The following TBXAS1 variants were observed in gnomAD, a reference collection of about 807,000 sequenced individuals.
TBXAS1 encodes the protein thromboxane A synthase 1.
In TBXAS1, 48 loss-of-function variants were observed where a neutral mutation model predicts 60.7. The ratio of observed to expected loss-of-function variants is 0.79; its 90% confidence interval spans 0.63 to 1.01. TBXAS1 has a LOEUF of 1.01. Ranked by LOEUF, TBXAS1 falls within the 50% of genes least tolerant of loss-of-function variation. The pLI, the probability that TBXAS1 is intolerant of heterozygous loss-of-function variation, is 0.00. For missense variants in TBXAS1, 685 were observed against 686.3 expected (o/e 1.00, Z 0.02); for synonymous variants, 287 against 269.7 (o/e 1.06, Z -0.63).
chr7:139,859,838 T>C (rs917666082), intron 1 of TBXAS1, among the ~76,000 whole-genome samples: 1 of 152,168 alleles, frequency 6.6e-6, no homozygotes, highest in Non-Finnish European at 1.5e-5. Context: ...TAATACTTTC[T>C]TTATAAAACG....
chr7:139,906,966 T>C (rs1292213365), intron 3 of TBXAS1, among the ~76,000 whole-genome samples: 2 of 152,238 alleles, frequency 1.3e-5, no homozygotes, highest in South Asian at 2.1e-4. Context: ...TCTCTGTAGA[T>C]ATCATGTCAT....
intron 4 of TBXAS1, among the ~76,000 whole-genome samples, chr7:139,804,383 C>T (rs952190706): frequency 1.3e-5 from 2 of 152,096 alleles, no homozygotes; most frequent in Non-Finnish European, 2.9e-5. Context: ...AACTAACTTG[C>T]CTTTGATTTT....
At chr7:139,876,627 C>G (rs1477855082) in intron 3 of TBXAS1, among the ~76,000 whole-genome samples, 1 of 152,112 alleles carries the variant, frequency 6.6e-6, no homozygotes, top group Non-Finnish European at 1.5e-5. Flanking sequence ...TTGGCTTGTC[C>G]TCTTTATGGA....
At chr7:139,885,492 TG>T (rs1456439047) in intron 3 of TBXAS1, among the ~76,000 whole-genome samples, 1 of 152,236 alleles carries the variant, frequency 6.6e-6, no homozygotes, top group Non-Finnish European at 1.5e-5. Context: ...AGAAAGCACA[TG>T]GCTGTATGCA....
In TBXAS1 at chr7:139,899,117, G is replaced by C. The variant is rs899669201; in HGVS notation, c.237-12108G>C. Among the ~76,000 whole-genome samples, 11 of 152,032 alleles carry C rather than the reference G, an allele frequency of 7.2e-5. 1 individual carries two copies. In the East Asian group the frequency reaches 2.1e-3, roughly 29 times the overall value. On this transcript the variant is annotated intron_variant, in intron 3 of 12. Coordinates refer to ENST00000448866, the MANE Select transcript of TBXAS1 (RefSeq NM_001061.7). ...CAGTGCCCCATAATTTCCTGCTCCAGATCTATGCCCTGTAAGCCAGGGGTC... is the reference window on the plus strand; with the variant it reads ...CAGTGCCCCATAATTTCCTGCTCCACATCTATGCCCTGTAAGCCAGGGGTC...
At chr7:139,898,413 CTTTTTTTTTTTTTTT>C (rs71170921) in intron 3 of TBXAS1, among the ~76,000 whole-genome samples, 7 of 82,254 alleles carry the variant, frequency 8.5e-5, no homozygotes, top group African/African-American at 2.4e-4. Context: ...ACGTGCATGG[CTTTTTTTTTTTTTTT>C]TTTTTTTTTT....
intron 8 of TBXAS1, among the ~76,000 whole-genome samples, 190 bp from the exon 9 acceptor site, chr7:139,961,729 T>A (rs1268847030): frequency 6.6e-6 from 1 of 152,148 alleles, no homozygotes; most frequent in Non-Finnish European, 1.5e-5. Context: ...GCCTGACCAG[T>A]GCTATACTAA....
rs570610808 is a variant in TBXAS1 at position 139,986,052 on chromosome 7, C to T, written c.1135-21039C>T. Among the ~76,000 whole-genome samples, 20 of 152,324 alleles carry T rather than the reference C, an allele frequency of 1.3e-4. No individual in the cohort carries two copies. The South Asian group carries it at 2.7e-3, about 20-fold the overall frequency. Reference sequence around the variant, plus strand: ...AAAACAAAGTGTTGGCCAGGCCCACCGGAACAGCGGCCCACCTAAACAGGC... The same window carrying T: ...AAAACAAAGTGTTGGCCAGGCCCACTGGAACAGCGGCCCACCTAAACAGGC... On this transcript the variant is annotated intron_variant, in intron 9 of 12. Coordinates refer to ENST00000448866, the MANE Select transcript of TBXAS1 (RefSeq NM_001061.7).
intron 6 of TBXAS1, among the ~76,000 whole-genome samples, chr7:139,954,309 A>G (rs1330566161): frequency 6.6e-6 from 1 of 152,250 alleles, no homozygotes; most frequent in East Asian, 1.9e-4. Context: ...TGATTATTAT[A>G]GGATGCATGA....
intron 3 of TBXAS1, among the ~76,000 whole-genome samples, chr7:139,904,694 AT>A: frequency 6.6e-6 from 1 of 151,772 alleles, no homozygotes; most frequent in Middle Eastern, 3.4e-3. Context: ...AAGTATTTTT[AT>A]TTTTTTGCAG....
chr7:139,898,958 C>T (rs1804343510), intron 3 of TBXAS1, among the ~76,000 whole-genome samples: 1 of 151,584 alleles, frequency 6.6e-6, no homozygotes, highest in Non-Finnish European at 1.5e-5. Context: ...TGCCAGCCGC[C>T]ACTCTGCCTC....
chr7:139,874,411 C>A (rs1057160367), intron 2 of TBXAS1, among the ~76,000 whole-genome samples: 6 of 152,202 alleles, frequency 3.9e-5, no homozygotes, highest in African/African-American at 1.4e-4. Context: ...TGGAGAGCCT[C>A]CACATATGCT....
chr7:139,783,631 G>A (rs1209572401), intron 3 of TBXAS1, among the ~76,000 whole-genome samples: 2 of 152,330 alleles, frequency 1.3e-5, no homozygotes, highest in African/African-American at 2.4e-5. Flanking sequence ...CAGAAATAAA[G>A]GTAGACTGAG....
intron 1 of TBXAS1, among the ~76,000 whole-genome samples, chr7:139,835,636 T>C (rs183613560): frequency 2.0e-3 from 307 of 152,264 alleles, no homozygotes; most frequent in African/African-American, 6.9e-3. Context: ...CTTAATGTAA[T>C]AAAAGCCATC....
At chr7:139,879,379 G>A (rs1011523080) in intron 3 of TBXAS1, among the ~76,000 whole-genome samples, 7 of 152,112 alleles carry the variant, frequency 4.6e-5, no homozygotes, top group African/African-American at 1.2e-4. Context: ...GTGGTGGTAC[G>A]TGATAAAAAA....
chr7:139,906,817 G>T lies in TBXAS1; in HGVS notation c.237-4408G>T, dbSNP rs1008900587. Among the ~76,000 whole-genome samples, 6 of 152,066 alleles carry T rather than the reference G, an allele frequency of 3.9e-5. No homozygotes were observed. The East Asian group carries it at 1.2e-3, about 29-fold the overall frequency. On this transcript the variant is annotated intron_variant, in intron 3 of 12. Coordinates refer to ENST00000448866, the MANE Select transcript of TBXAS1 (RefSeq NM_001061.7). ...TCATCAACATTGTAAATGGCAATGTGCTTTCATTTGGTTTACACATGTTCA... is the reference window on the plus strand; with the variant it reads ...TCATCAACATTGTAAATGGCAATGTTCTTTCATTTGGTTTACACATGTTCA...
intron 9 of TBXAS1, among the ~76,000 whole-genome samples, chr7:139,995,480 C>G (rs1201150758): frequency 6.6e-6 from 1 of 152,092 alleles, no homozygotes; most frequent in Admixed American, 6.5e-5. Flanking sequence ...GAGGCTGTCC[C>G]TGGGTGGGTG....
intron 3 of TBXAS1, among the ~76,000 whole-genome samples, chr7:139,894,655 T>G (rs2116951737): frequency 6.6e-6 from 1 of 152,330 alleles, no homozygotes; most frequent in East Asian, 1.9e-4. Context: ...CCATCGGTTC[T>G]CCATTCTTTC....
At chr7:139,998,546 GT>G (rs1434522530) in intron 9 of TBXAS1, among the ~76,000 whole-genome samples, 2 of 151,750 alleles carry the variant, frequency 1.3e-5, no homozygotes, top group Admixed American at 6.6e-5. Flanking sequence ...CAAATATCTG[GT>G]TTTTTTTCAT....
Sources: gnomAD v4.1 joint callset for allele counts (sites outside exome capture counted in the v4.1 genomes callset) on GRCh38, gnomAD v4.1.1 for gene constraint, MANE v1.5 for transcripts, NCBI Gene and HGNC (gene_info 2026-07-23, HGNC 2026-07-21) for gene names.